The following USP47 variants were observed in gnomAD, a reference collection of about 807,000 sequenced individuals.
USP47 encodes ubiquitin specific peptidase 47.
USP47 carries 35 observed loss-of-function variants against 165.1 expected under a neutral mutation model. The observed-to-expected ratio is 0.21, with a 90% CI of 0.16 to 0.28. The LOEUF (loss-of-function observed/expected upper bound fraction) is 0.28, where lower values mean the gene tolerates loss of function less well. USP47 is among the 10% of genes least tolerant of loss of function. The pLI is 1.00. For synonymous variants in USP47, 531 were observed against 544.5 expected, an observed-to-expected ratio of 0.98 and a Z score of 0.35; for missense variants, 1,277 against 1,607.4, an observed-to-expected ratio of 0.79 and a Z score of 3.52.
In USP47 at chr11:11,958,713, C is replaced by T. The variant is rs1164488473; in HGVS notation, c.*2538C>T. 2 of 152,268 alleles carry T rather than the reference C, an allele frequency of 1.3e-5. No homozygotes were observed. The highest frequency in any genetic ancestry group is 2.9e-5 in the Non-Finnish European group (2 of 68,070). The allele number at this position is 152,268 out of a possible 1,614,324, so 9.4% of individuals were successfully genotyped here. The stretch of plus-strand genomic sequence containing the variant: ...AGTACCTGTGTTTCTAAGGCGGGCA[C>T]TCAAGGTGAGGGGTGCATTCTGGCC... On this transcript the variant is annotated 3_prime_UTR_variant, in exon 28 of 28. Transcript: ENST00000527733.
chr11:11,904,854 G>A (rs919346859), intron 7 of USP47, among the ~76,000 whole-genome samples: 5 of 152,068 alleles, frequency 3.3e-5, no homozygotes, highest in African/African-American at 1.2e-4. Context: ...ATAAAATTGT[G>A]TTATGTATAT....
rs796881838 is a variant in USP47, at chr11:11,913,258, CA to C, written c.970-6879del. Among the ~76,000 whole-genome samples, 607 of 79,280 alleles carry C rather than the reference CA, an allele frequency of 7.7e-3. 3 individuals carry two copies. The highest frequency in any genetic ancestry group is 0.022 in the African/African-American group (436 of 19,460). 52.0% of individuals were successfully genotyped at this position (79,280 alleles called of 152,430 possible). A position where few individuals can be genotyped will look rare whatever the true frequency, so the allele number is the denominator to read the frequency against. On this transcript the variant is annotated intron_variant, in intron 8 of 27. Transcript: ENST00000527733. ...TTATCTATGTAGAAAATCCCTTGTA[CA>C]AAAAAAAAAAAAAAAAAACAACACC...
chr11:11,904,894 C>T (rs1193900599), intron 7 of USP47, among the ~76,000 whole-genome samples: 1 of 151,980 alleles, frequency 6.6e-6, no homozygotes, highest in East Asian at 1.9e-4. Context: ...TGATTTGCAT[C>T]TTGAGCTAGA....
chr11:11,920,532 C>A, intron 10 of USP47, 38 bp downstream of exon 10: 1 of 1,555,668 alleles, frequency 6.4e-7, no homozygotes, highest in East Asian at 2.3e-5. Flanking sequence ...TTCATTAATC[C>A]ACATTAGTCA....
At chr11:11,929,895 T>C (rs955778779) in intron 12 of USP47, 149 bp from the exon 13 acceptor site, 14 of 696,534 alleles carry the variant, frequency 2.0e-5, no homozygotes, top group Non-Finnish European at 2.4e-5. Context: ...CCACTGATTA[T>C]GATTAAATTT....
intron 1 of USP47, among the ~76,000 whole-genome samples, chr11:11,867,994 T>G (rs2134229502): frequency 6.6e-6 from 1 of 152,248 alleles, no homozygotes; most frequent in East Asian, 1.9e-4. Flanking sequence ...AGCTTCAAGG[T>G]TTTAAACAGG....
intron 2 of USP47, among the ~76,000 whole-genome samples, chr11:11,881,654 G>A (rs1249962090): frequency 6.6e-6 from 1 of 151,974 alleles, no homozygotes; most frequent in Non-Finnish European, 1.5e-5. Flanking sequence ...GGACTTTAGG[G>A]GAGGATTATT....
rs370889671 is a variant in USP47 at position 11,948,453 on chromosome 11, C to T, written c.3268-25C>T. On this transcript the variant is annotated intron_variant, in intron 21 of 27. Transcript: ENST00000527733. Reference sequence around the variant, plus strand: ...TGTTTATTCTGCTGAGACAGCATGTCTAAAAAAATGTTTTTAACTTATAGA... The same window carrying T: ...TGTTTATTCTGCTGAGACAGCATGTTTAAAAAAATGTTTTTAACTTATAGA... 5.0e-4 allele frequency: 795 copies of T among 1,583,648 alleles called. 6 individuals carry two copies. In the South Asian group the frequency reaches 5.0e-3, roughly 10 times the overall value.
At chr11:11,905,669 C>T in intron 8 of USP47, 121 bp downstream of exon 8, 7 of 1,002,988 alleles carry the variant, frequency 7.0e-6, no homozygotes, top group Non-Finnish European at 9.4e-6. Context: ...GTTAGTCATT[C>T]CTGCATTTAA....
chr11:11,842,093 A>G lies in USP47; in HGVS notation c.-93A>G. 2.0e-6 allele frequency: 3 copies of G among 1,468,994 alleles called. No individual in the cohort carries two copies. Among genetic ancestry groups the G allele is most frequent in the Non-Finnish European group, 2.8e-6 (3 of 1,084,840 alleles). The allele number at this position is 1,468,994 out of a possible 1,614,324, so 91.0% of individuals were successfully genotyped here. A position where few individuals can be genotyped will look rare whatever the true frequency, so the allele number is the denominator to read the frequency against. On this transcript the variant is annotated 5_prime_UTR_variant, in exon 1 of 28. It removes an upstream start codon present in the reference 5' UTR. Transcript: ENST00000527733. ...TGCTGGAGCGCAGGCGGCGGAGAGGATGACTGCCGCTGCCATTCTCTCTTG... is the reference window on the plus strand; with the variant it reads ...TGCTGGAGCGCAGGCGGCGGAGAGGGTGACTGCCGCTGCCATTCTCTCTTG...
Position 11,958,619 on chromosome 11 carries a change from A to G in USP47, c.*2444A>G, listed in dbSNP as rs1354787683. 2 of 152,212 alleles carry G rather than the reference A, an allele frequency of 1.3e-5. No individual in the cohort carries two copies. The highest frequency in any genetic ancestry group is 2.9e-5 in the Non-Finnish European group (2 of 68,040). The allele number at this position is 152,212 out of a possible 1,614,324, so 9.4% of individuals were successfully genotyped here. Reference sequence around the variant, plus strand: ...GACCCTGCTCCCCACAAGTCATGCAAAGGTTTTGAAGAGCTTTTACCGTGG... The same window carrying G: ...GACCCTGCTCCCCACAAGTCATGCAGAGGTTTTGAAGAGCTTTTACCGTGG... On this transcript the variant is annotated 3_prime_UTR_variant, in exon 28 of 28. Transcript: ENST00000527733.
chr11:11,901,788 G>A (rs1852243062), intron 5 of USP47, among the ~76,000 whole-genome samples: 1 of 152,010 alleles, frequency 6.6e-6, no homozygotes, highest in Middle Eastern at 3.4e-3. Flanking sequence ...GTGAAACCCA[G>A]TCTCTACTAA....
chr11:11,881,204 G>A (rs1850804433), intron 2 of USP47, among the ~76,000 whole-genome samples: 1 of 152,134 alleles, frequency 6.6e-6, no homozygotes, highest in African/African-American at 2.4e-5. Flanking sequence ...GAAAAAGGGT[G>A]AGACGTGCTG....
chr11:11,861,082 C>CTTTATTTTAT (rs1554902449), intron 1 of USP47, among the ~76,000 whole-genome samples: 3 of 151,954 alleles, frequency 2.0e-5, no homozygotes. Flanking sequence ...GTCCATCCAA[C>CTTTATTTTAT]TTTATTTTAT....
rs532971140 is a variant in USP47, at chr11:11,961,247, C to T, written c.*5072C>T. 4.0e-5 allele frequency among the ~76,000 whole-genome samples: 6 copies of T among 151,230 alleles called. No homozygotes were observed. Among genetic ancestry groups the T allele is most frequent in the South Asian group, 4.2e-4 (2 of 4,760 alleles). The stretch of plus-strand genomic sequence containing the variant: ...ATGCAATTAAGGTTAAGGACCTTGA[C>T]GTGGGAAGATTGTGATTATTTACCT... On this transcript the variant is annotated 3_prime_UTR_variant, in exon 28 of 28. Coordinates refer to ENST00000527733, the MANE Select transcript of USP47 (RefSeq NM_001282659.2).
At chr11:11,888,327 A>G (rs982645584) in intron 3 of USP47, among the ~76,000 whole-genome samples, 2 of 152,118 alleles carry the variant, frequency 1.3e-5, no homozygotes, top group African/African-American at 4.8e-5. Flanking sequence ...TAGTTAGACT[A>G]ATAAGAAAAG....
intron 8 of USP47, among the ~76,000 whole-genome samples, chr11:11,919,785 TAAG>T (rs1853694881): frequency 6.6e-6 from 1 of 151,894 alleles, no homozygotes; most frequent in Admixed American, 6.6e-5. Flanking sequence ...CTTCCTTTTA[TAAG>T]AAGATTGATG....
intron 7 of USP47, among the ~76,000 whole-genome samples, chr11:11,903,738 C>T (rs561875132): frequency 2.0e-5 from 3 of 152,154 alleles, no homozygotes; most frequent in African/African-American, 7.2e-5. Flanking sequence ...TTTATTTTGA[C>T]CAATGAAATA....
intron 1 of USP47, among the ~76,000 whole-genome samples, chr11:11,859,842 G>A (rs758942970): frequency 6.6e-6 from 1 of 152,030 alleles, no homozygotes; most frequent in Admixed American, 6.6e-5. Context: ...CGTGGCTCAC[G>A]CCTGTAATCC....
Sources: gnomAD v4.1 joint callset for allele counts (sites outside exome capture counted in the v4.1 genomes callset) on GRCh38, gnomAD v4.1.1 for gene constraint, MANE v1.5 for transcripts, NCBI Gene and HGNC (gene_info 2026-07-23, HGNC 2026-07-21) for gene names.